TMOD3: variants seen among roughly 807,000 people sequenced by gnomAD.
TMOD3 encodes tropomodulin-3.
A neutral mutation model predicts 39.2 loss-of-function variants in TMOD3; 20 were observed. The observed-to-expected ratio is 0.51, with a 90% confidence interval of 0.36 to 0.74. The LOEUF is 0.74. Among genes scored for constraint, TMOD3 ranks in the 30% least tolerant of loss-of-function variants. TMOD3 has a pLI of 0.00. For missense variants in TMOD3, 381 were observed against 412.8 expected (o/e 0.92, Z 0.67); for synonymous variants, 143 against 145.8 (o/e 0.98, Z 0.14).
chr15:51,893,870 C>A lies in TMOD3; in HGVS notation c.552C>A (p.Thr184=). Residue 184 remains threonine, a synonymous_variant, in exon 6 of 10, where the codon ACC becomes ACA. Transcript: ENST00000308580. ...TATTTGATGAGCCACCAAATCCAAC[C>A]AATGTAGAAGAGAGTTTGAAGAGAA... ...LPVFDEPPNP[T]NVEESLKRTK... 1 of 1,610,400 alleles carries A rather than the reference C, an allele frequency of 6.2e-7. No homozygotes were observed. The highest frequency in any genetic ancestry group is 1.7e-5 in the Admixed American group (1 of 59,694).
intron 1 of TMOD3, among the ~76,000 whole-genome samples, chr15:51,844,946 A>T (rs983919182): frequency 6.6e-6 from 1 of 151,986 alleles, no homozygotes; most frequent in East Asian, 1.9e-4. Flanking sequence ...TCATTTTTTA[A>T]GTCTATCTGG....
intron 7 of TMOD3, among the ~76,000 whole-genome samples, chr15:51,899,546 G>A (rs1450268632): frequency 6.6e-6 from 1 of 151,578 alleles, no homozygotes; most frequent in African/African-American, 2.4e-5. Flanking sequence ...CACAACTGTA[G>A]TCTCAGCTAC....
At position 51,908,611 on chromosome 15, in the gene TMOD3, TG is replaced by T. The variant is rs1307497964; in HGVS notation, c.1025-164del. ...CAGTGGTGAATGATGGGAAGTAGGT[TG>T]TTTTTTTTTTTTTTTTAATTAGTGG... On this transcript the variant is annotated intron_variant, in intron 9 of 9. Coordinates refer to ENST00000308580, the MANE Select transcript of TMOD3 (RefSeq NM_014547.5). Among the ~76,000 whole-genome samples, 16 of 149,672 alleles carry T rather than the reference TG, an allele frequency of 1.1e-4. No homozygotes were observed. The South Asian group carries it at 1.5e-3, about 14-fold the overall frequency.
chr15:51,884,500 C>T (rs1374336061), intron 3 of TMOD3: 1 of 152,182 alleles, frequency 6.6e-6, no homozygotes, highest in Non-Finnish European at 1.5e-5. Context: ...GCCGCTGGGC[C>T]ATAGACCAGA....
At chr15:51,902,273 A>G (rs2056654780) in intron 9 of TMOD3, among the ~76,000 whole-genome samples, 1 of 152,180 alleles carries the variant, frequency 6.6e-6, no homozygotes, top group Admixed American at 6.5e-5. Flanking sequence ...GTTTTAAGTG[A>G]CCAGTTTTCT....
At chr15:51,865,578 T>G (rs2056441278) in intron 2 of TMOD3, among the ~76,000 whole-genome samples, 1 of 152,198 alleles carries the variant, frequency 6.6e-6, no homozygotes. Context: ...GAATGTATTT[T>G]GCAAACTCCC....
chr15:51,834,135 C>G lies in TMOD3; in HGVS notation c.-75+4299C>G, dbSNP rs535835630. On this transcript the variant is annotated intron_variant, in intron 1 of 9. Transcript: ENST00000308580. ...CCTAGTCTTTCATTGGGTCATTCAT[C>G]TTTTTATTGTTTGTAGGAGCTCTTT... Among the ~76,000 whole-genome samples the G allele has an allele frequency of 8.5e-5, 13 of 152,058 alleles. No homozygotes were observed. In the South Asian group the frequency reaches 2.7e-3, roughly 32 times the overall value.
chr15:51,852,006 T>G (rs1322532353), intron 1 of TMOD3, among the ~76,000 whole-genome samples: 1 of 152,214 alleles, frequency 6.6e-6, no homozygotes, highest in Non-Finnish European at 1.5e-5. Flanking sequence ...CCTCCTTTGC[T>G]TTAAGTTTTC....
chr15:51,862,855 A>G lies in TMOD3; in HGVS notation c.-30A>G. ...TCACTTCTGACTGTACTGAACAGCA[A>G]AAATTAAGTGACTTGCTGCCCTGCA... On this transcript the variant is annotated 5_prime_UTR_variant, in exon 2 of 10. Transcript: ENST00000308580. 3 of 1,602,580 alleles carry G rather than the reference A, an allele frequency of 1.9e-6. No individual in the cohort carries two copies. Among genetic ancestry groups the G allele is most frequent in the Non-Finnish European group, 1.7e-6 (2 of 1,175,982 alleles).
chr15:51,895,833 G>A (rs2056617900), intron 6 of TMOD3, among the ~76,000 whole-genome samples: 1 of 152,148 alleles, frequency 6.6e-6, no homozygotes, highest in Non-Finnish European at 1.5e-5. Flanking sequence ...TGAAGGCTGG[G>A]TGCAGTGACT....
At chr15:51,884,058 G>A (rs1162492184) in intron 3 of TMOD3, among the ~76,000 whole-genome samples, 2 of 152,202 alleles carry the variant, frequency 1.3e-5, no homozygotes, top group East Asian at 3.8e-4. Context: ...GGGGGAAGAA[G>A]TCTGTTGCTA....
chr15:51,870,067 T>A (rs1340512988), intron 3 of TMOD3, among the ~76,000 whole-genome samples: 1 of 152,198 alleles, frequency 6.6e-6, no homozygotes, highest in Non-Finnish European at 1.5e-5. Flanking sequence ...GCCTCCTTAG[T>A]AGCTGGGATT....
chr15:51,893,324 TTAAA>T (rs1216648117), intron 5 of TMOD3, among the ~76,000 whole-genome samples: 1 of 102,110 alleles, frequency 9.8e-6, no homozygotes, highest in Non-Finnish European at 2.0e-5. Flanking sequence ...AAAAAAAAAA[TTAAA>T]TAAATAAATA....
intron 5 of TMOD3, among the ~76,000 whole-genome samples, chr15:51,891,545 C>T (rs1011017602): frequency 1.3e-5 from 2 of 152,098 alleles, no homozygotes; most frequent in African/African-American, 4.8e-5. Context: ...CAGCCTGACC[C>T]ATCCTTTTTA....
intron 3 of TMOD3, among the ~76,000 whole-genome samples, chr15:51,880,474 C>T (rs182907605): frequency 7.9e-5 from 12 of 152,320 alleles, no homozygotes; most frequent in Non-Finnish European, 1.8e-4. Flanking sequence ...ACCCTGTGCA[C>T]GTTAGCAGTA....
chr15:51,851,237 A>C (rs2056360457), intron 1 of TMOD3, among the ~76,000 whole-genome samples: 1 of 152,172 alleles, frequency 6.6e-6, no homozygotes, highest in South Asian at 2.1e-4. Context: ...GGGGATCATC[A>C]CTACGGTTCC....
At chr15:51,874,796 C>T (rs1174288514) in intron 3 of TMOD3, among the ~76,000 whole-genome samples, 1 of 152,110 alleles carries the variant, frequency 6.6e-6, no homozygotes, top group East Asian at 1.9e-4. Context: ...TGGACCAGAG[C>T]CATGGCTGCA....
intron 1 of TMOD3, among the ~76,000 whole-genome samples, chr15:51,851,496 T>C (rs1299291476): frequency 6.6e-6 from 1 of 152,214 alleles, no homozygotes; most frequent in African/African-American, 2.4e-5. Context: ...TAGTAACTTT[T>C]GATTGGTTGA....
intron 8 of TMOD3, chr15:51,901,572 A>AGTGTGTGTGTGTGTGTGTGT (rs57976840): frequency 7.6e-5 from 14 of 184,806 alleles, no homozygotes; most frequent in South Asian, 2.4e-4. Context: ...TAAAAAGTTT[A>AGTGTGTGTGTGTGTGTGTGT]GTGTGTGTGT....
Sources: gnomAD v4.1 joint callset for allele counts (sites outside exome capture counted in the v4.1 genomes callset) on GRCh38, gnomAD v4.1.1 for gene constraint, MANE v1.5 for transcripts, NCBI Gene and HGNC (gene_info 2026-07-23, HGNC 2026-07-21) for gene names.